The following DAB1 variants were observed in gnomAD, a reference collection of about 807,000 sequenced individuals.
The protein encoded by DAB1 is DAB adaptor protein 1, also known as disabled homolog 1.
In DAB1, 15 loss-of-function variants were observed where a neutral mutation model predicts 64.6. The ratio of observed to expected loss-of-function variants is 0.23; its 90% CI spans 0.16 to 0.36. The LOEUF is 0.36. Among genes scored for constraint, DAB1 ranks in the 10% least tolerant of loss-of-function variants. The pLI is 1.00. For missense variants in DAB1, 596 were observed against 706.7 expected (o/e 0.84, Z 1.78); for synonymous variants, 235 against 251.9 (o/e 0.93, Z 0.64).
intron 6 of DAB1, among the ~76,000 whole-genome samples, chr1:57,706,107 C>T (rs1326933363): frequency 2.6e-5 from 4 of 151,970 alleles, no homozygotes; most frequent in African/African-American, 9.7e-5. Context: ...ACAGAAGGGT[C>T]ACATGTGCTC....
chr1:57,139,885 G>A (rs1158723066), intron 3 of DAB1, among the ~76,000 whole-genome samples: 3 of 152,100 alleles, frequency 2.0e-5, no homozygotes, highest in African/African-American at 7.2e-5. Context: ...TGCTGATGGT[G>A]ACTTTACATG....
intron 6 of DAB1, among the ~76,000 whole-genome samples, chr1:57,808,617 A>G (rs2101881415): frequency 6.6e-6 from 1 of 152,354 alleles, no homozygotes; most frequent in East Asian, 1.9e-4. Flanking sequence ...GTGTAAAACT[A>G]AGTACCAAAT....
At chr1:57,145,224 G>A in intron 3 of DAB1, 66 bp downstream of exon 3, 1 of 1,465,390 alleles carries the variant, frequency 6.8e-7, no homozygotes, top group South Asian at 1.2e-5. Flanking sequence ...AATTATGATG[G>A]TAATCACTTC....
chr1:57,792,230 G>A (rs1650635735), intron 6 of DAB1, among the ~76,000 whole-genome samples: 1 of 152,132 alleles, frequency 6.6e-6, no homozygotes, highest in East Asian at 1.9e-4. Context: ...TCTTACCAGG[G>A]TTTTGGATAG....
In DAB1 at chr1:57,984,504, G is replaced by C. The variant is rs540872386; in HGVS notation, n.388-100342C>G. On this transcript the variant is annotated intron_variant and non_coding_transcript_variant, in intron 5 of 20. Transcript: ENST00000485760. ...AACAATTAAGAATATAATTTTGGGA[G>C]ATGTCAGCAGCCTAATTACTCATAG... Among the ~76,000 whole-genome samples the C allele has an allele frequency of 1.5e-3, 230 of 152,314 alleles. 4 individuals carry two copies. The South Asian group carries it at 0.023, about 15-fold the overall frequency.
chr1:58,112,657 C>T (rs1410232152), intron 5 of DAB1, among the ~76,000 whole-genome samples: 2 of 152,206 alleles, frequency 1.3e-5, no homozygotes, highest in Admixed American at 6.5e-5. Context: ...TTCATGGAAA[C>T]CATAGGTCCT....
intron 5 of DAB1, among the ~76,000 whole-genome samples, chr1:57,967,349 C>T (rs564300771): frequency 1.4e-4 from 21 of 152,236 alleles, no homozygotes; most frequent in African/African-American, 4.8e-4. Flanking sequence ...CCAGATGACC[C>T]GTAATGCTCA....
At chr1:58,423,668 C>T (rs373194541) in intron 3 of DAB1, among the ~76,000 whole-genome samples, 84 of 152,318 alleles carry the variant, frequency 5.5e-4, no homozygotes, top group African/African-American at 1.9e-3. Flanking sequence ...CTCCAGATTT[C>T]AGCACTGAAT....
chr1:57,153,277 C>A (rs1317002231), intron 2 of DAB1, among the ~76,000 whole-genome samples: 1 of 152,178 alleles, frequency 6.6e-6, no homozygotes, highest in Non-Finnish European at 1.5e-5. Context: ...CTGCCTGCCT[C>A]GGCCTCCCTG....
At chr1:57,492,005 G>C (rs1284727114) in intron 7 of DAB1, among the ~76,000 whole-genome samples, 2 of 152,210 alleles carry the variant, frequency 1.3e-5, no homozygotes, top group African/African-American at 4.8e-5. Flanking sequence ...TCCTGGAGCA[G>C]AGAATGAGTG....
chr1:57,358,041 T>G (rs1679262546), intron 1 of DAB1, among the ~76,000 whole-genome samples: 1 of 152,014 alleles, frequency 6.6e-6, no homozygotes, highest in Non-Finnish European at 1.5e-5. Flanking sequence ...GCTCTAACAG[T>G]TTTTTGGTAG....
intron 6 of DAB1, among the ~76,000 whole-genome samples, chr1:57,722,101 C>T (rs538212546): frequency 1.3e-5 from 2 of 152,298 alleles, no homozygotes; most frequent in Non-Finnish European, 2.9e-5. Flanking sequence ...GACAATGTGA[C>T]CATTTCTCAT....
chr1:57,208,862 C>T (rs1665794076), intron 2 of DAB1, among the ~76,000 whole-genome samples: 1 of 152,204 alleles, frequency 6.6e-6, no homozygotes, highest in Non-Finnish European at 1.5e-5. Flanking sequence ...CCACCTTGAC[C>T]TATGCAAGAC....
intron 7 of DAB1, among the ~76,000 whole-genome samples, chr1:57,590,310 TTTTA>T (rs58148255): frequency 5.3e-5 from 8 of 151,170 alleles, no homozygotes; most frequent in Middle Eastern, 6.8e-3. Context: ...TTTTCTTTTC[TTTTA>T]TTTATTTATT....
intron 2 of DAB1, among the ~76,000 whole-genome samples, chr1:57,179,931 T>C (rs1662735559): frequency 6.6e-6 from 1 of 152,196 alleles, no homozygotes; most frequent in Non-Finnish European, 1.5e-5. Context: ...TTCTGGTGTT[T>C]GGAATTAGTC....
Position 57,932,619 on chromosome 1 carries a change from T to C in DAB1, n.388-48457A>G, listed in dbSNP as rs1017333818. On this transcript the variant is annotated intron_variant and non_coding_transcript_variant, in intron 5 of 20. Transcript: ENST00000485760. ...TTATCTTATGTAGTTTGATATTCTA[T>C]TGTTGAGTGCCTGTACGTTAAGGAT... 3.3e-5 allele frequency among the ~76,000 whole-genome samples: 5 copies of C among 152,180 alleles called. No homozygotes were observed. In the South Asian group the frequency reaches 6.2e-4, roughly 19 times the overall value.
intron 5 of DAB1, among the ~76,000 whole-genome samples, chr1:57,895,670 C>T (rs1461717473): frequency 6.6e-6 from 1 of 152,132 alleles, no homozygotes; most frequent in Non-Finnish European, 1.5e-5. Context: ...TAGAATAATT[C>T]CTGGCACAGT....
At chr1:58,270,308 G>A (rs1026557559) in intron 4 of DAB1, among the ~76,000 whole-genome samples, 5 of 148,146 alleles carry the variant, frequency 3.4e-5, no homozygotes, top group African/African-American at 7.6e-5. Context: ...TGTTTTTCTC[G>A]GTTTGTCAAA....
intron 2 of DAB1, among the ~76,000 whole-genome samples, chr1:57,152,080 C>T (rs1184060418): frequency 6.6e-6 from 1 of 152,200 alleles, no homozygotes; most frequent in African/African-American, 2.4e-5. Context: ...TCCCGAAGTG[C>T]TGGCATTACA....
Sources: allele counts gnomAD v4.1 joint callset (sites outside exome capture counted in the v4.1 genomes callset), GRCh38; gene constraint gnomAD v4.1.1; transcripts MANE v1.5; gene names NCBI Gene and HGNC (gene_info 2026-07-23, HGNC 2026-07-21).